Variants in WSCD1 observed in about 807,000 individuals in gnomAD.
WSCD1 encodes the protein sialate:O-sulfotransferase 1.
Under a neutral mutation model 60.4 loss-of-function variants are expected in WSCD1, and 41 were observed. The ratio of observed to expected loss-of-function variants is 0.68; its 90% confidence interval spans 0.53 to 0.88. The LOEUF (loss-of-function observed/expected upper bound fraction) is 0.88, where lower values mean the gene tolerates loss of function less well. Ranked by LOEUF, WSCD1 falls within the 40% of genes least tolerant of loss-of-function variation. WSCD1 has a pLI of 0.00. For missense variants in WSCD1, 784 were observed against 796.2 expected, an observed-to-expected ratio of 0.98 and a Z score of 0.18; for synonymous variants, 361 against 332.5, an observed-to-expected ratio of 1.09 and a Z score of -0.93.
Position 6,095,225 on chromosome 17 carries a change from T to C in WSCD1, c.849+2T>C. 1 of 1,612,496 alleles carries C rather than the reference T, an allele frequency of 6.2e-7. No individual in the cohort carries two copies. The highest frequency in any genetic ancestry group is 8.5e-7 in the Non-Finnish European group (1 of 1,179,318). On this transcript the variant is annotated splice_donor_variant, in intron 5 of 8. Transcript: ENST00000317744. LOFTEE classifies it high-confidence loss of function. ...TGCTCGGGCTTTTGTTCCCAGAAAG[T>C]AAGACCAAGTGATCATTTCACAACC...
chr17:6,081,816 C>G (rs974583480), intron 2 of WSCD1: 3 of 152,110 alleles, frequency 2.0e-5, no homozygotes, highest in African/African-American at 7.2e-5. Flanking sequence ...TGTGATAACA[C>G]AGAGGAATGG....
intron 2 of WSCD1, 46 bp from the exon 3 acceptor site, chr17:6,087,944 C>T: frequency 6.6e-7 from 1 of 1,509,950 alleles, no homozygotes; most frequent in Non-Finnish European, 9.2e-7. Context: ...AGGGTGGGCC[C>T]ATGATTCCTG....
intron 4 of WSCD1, among the ~76,000 whole-genome samples, chr17:6,091,952 C>T (rs569647419): frequency 4.4e-4 from 67 of 152,218 alleles, no homozygotes; most frequent in Middle Eastern, 6.8e-3. Context: ...GTCAGGAGTT[C>T]GAGACCAGCC....
upstream of WSCD1, chr17:6,069,329 A>T: frequency 2.5e-6 from 1 of 397,738 alleles, no homozygotes; most frequent in Middle Eastern, 6.3e-4. Flanking sequence ...TCCAGCCTTT[A>T]TTTAAAGAGG....
chr17:6,086,885 G>A (rs964183369), intron 2 of WSCD1, among the ~76,000 whole-genome samples: 4 of 152,172 alleles, frequency 2.6e-5, no homozygotes, highest in Non-Finnish European at 4.4e-5. Context: ...CTAAAAAGCC[G>A]CTTGGGAGCC....
Position 6,111,027 on chromosome 17 carries a change from G to A in WSCD1, c.1174+92G>A, listed in dbSNP as rs1911378532. 8.2e-6 allele frequency: 12 copies of A among 1,468,792 alleles called. No individual in the cohort carries two copies. In the South Asian group the frequency reaches 1.1e-4, roughly 14 times the overall value. 91.0% of individuals were successfully genotyped at this position (1,468,792 alleles called of 1,614,324 possible). ...AAGCTTCTCAGAGCACTAGAGCAGT[G>A]CATCTCAAACTTGAGTGTACATAAG... On this transcript the variant is annotated intron_variant, in intron 7 of 8. Transcript: ENST00000317744.
intron 3 of WSCD1, among the ~76,000 whole-genome samples, chr17:6,088,778 T>C (rs1027904054): frequency 6.2e-5 from 8 of 128,412 alleles, no homozygotes; most frequent in African/African-American, 2.1e-4. Context: ...CCCACAGATT[T>C]TTTTCACCTT....
chr17:6,110,657 C>A lies in WSCD1; in HGVS notation c.1010-114C>A. On this transcript the variant is annotated intron_variant, in intron 6 of 8. Transcript: ENST00000317744. The surrounding 1 kb of genome is among the most constrained non-coding windows in gnomAD (Gnocchi z 4.8). ...CTCTTCCCTTCTTTGGGCCTTGGTT[C>A]CCCCATCTATTAAATGGGAGTCTTC... 3 of 1,363,498 alleles carry A rather than the reference C, an allele frequency of 2.2e-6. No individual in the cohort carries two copies. Among genetic ancestry groups the A allele is most frequent in the Non-Finnish European group, 3.0e-6 (3 of 996,468 alleles). 84.5% of individuals were successfully genotyped at this position (1,363,498 alleles called of 1,614,324 possible). A position where few individuals can be genotyped will look rare whatever the true frequency, so the allele number is the denominator to read the frequency against.
intron 1 of WSCD1, among the ~76,000 whole-genome samples, chr17:6,074,923 C>T (rs865848438): frequency 1.3e-5 from 2 of 151,378 alleles, no homozygotes; most frequent in Admixed American, 1.3e-4. Context: ...AGAAGCCAGG[C>T]GCTATGCCTG....
chr17:6,099,520 CAA>C (rs60352442), intron 5 of WSCD1, among the ~76,000 whole-genome samples: 2 of 143,690 alleles, frequency 1.4e-5, no homozygotes, highest in Non-Finnish European at 3.1e-5. Context: ...GTCTCAAAAA[CAA>C]AAAAAAAAAG....
At position 6,090,359 on chromosome 17, in the gene WSCD1, G is replaced by A; in HGVS notation, c.581G>A (p.Cys194Tyr). 1 of 1,608,978 alleles carries A rather than the reference G, an allele frequency of 6.2e-7. No homozygotes were observed. The highest frequency in any genetic ancestry group is 8.5e-7 in the Non-Finnish European group (1 of 1,177,900). ...GCCGGCTTGGAGGCCGGGGCGGAGTGTTACTGCGGGAACCGGCTGCCAGCG... is the reference window on the plus strand; with the variant it reads ...GCCGGCTTGGAGGCCGGGGCGGAGTATTACTGCGGGAACCGGCTGCCAGCG... ...VYAGLEAGAE[C>Y]YCGNRLPAVS... The change falls in exon 4 of 9, where the codon TGT (cysteine) becomes TAT (tyrosine). Residue 194 changes from cysteine to tyrosine, a missense_variant. By Grantham distance (194) the Cys-to-Tyr change is radical. Transcript: ENST00000317744.
chr17:6,076,744 C>T (rs986080186), intron 1 of WSCD1, among the ~76,000 whole-genome samples: 5 of 152,180 alleles, frequency 3.3e-5, no homozygotes, highest in Non-Finnish European at 5.9e-5. Context: ...GCCTCCCAGG[C>T]CCTATGCAGA....
rs1235556389 is a variant in WSCD1 at position 6,090,352 on chromosome 17, G to A, written c.574G>A (p.Ala192Thr). The change falls in exon 4 of 9, where the codon GCG becomes ACG. Residue 192 changes from alanine to threonine, a missense_variant. Ala to Thr is a moderately conservative substitution (Grantham distance 58). Coordinates refer to ENST00000317744, the MANE Select transcript of WSCD1 (RefSeq NM_015253.2). ...TGTCTACGCCGGCTTGGAGGCCGGG[G>A]CGGAGTGTTACTGCGGGAACCGGCT... ...SYVYAGLEAG[A>T]ECYCGNRLPA... The A allele has an allele frequency of 1.2e-6, 2 of 1,607,520 alleles. No homozygotes were observed. The highest frequency in any genetic ancestry group is 1.7e-5 in the Admixed American group (1 of 58,994).
chr17:6,070,804 C>T (rs2150522379), intron 1 of WSCD1, among the ~76,000 whole-genome samples, 152 bp downstream of exon 1: 1 of 151,242 alleles, frequency 6.6e-6, no homozygotes, highest in African/African-American at 2.4e-5. Flanking sequence ...TTGCCGGGGG[C>T]ACCTTCCCGG....
chr17:6,103,385 A>T, intron 5 of WSCD1, among the ~76,000 whole-genome samples: 1 of 152,202 alleles, frequency 6.6e-6, no homozygotes, highest in East Asian at 1.9e-4. Flanking sequence ...GTCAGTGGAA[A>T]GCCAGGTACC....
At chr17:6,073,690 CTG>C (rs1491078582) in intron 1 of WSCD1, among the ~76,000 whole-genome samples, 1 of 152,188 alleles carries the variant, frequency 6.6e-6, no homozygotes, top group African/African-American at 2.4e-5. Context: ...TTGCGACTGG[CTG>C]TTTCAAAAGT....
At position 6,073,710 on chromosome 17, in the gene WSCD1, G is replaced by C. The variant is rs1036419022; in HGVS notation, c.-289+3058G>C. ...ACTGGCTGTTTCAAAAGTGAGAAAG[G>C]CTCCAAATCAGGCACCAGGAAAGGA... On this transcript the variant is annotated intron_variant, in intron 1 of 8. Transcript: ENST00000317744. Among the ~76,000 whole-genome samples the C allele has an allele frequency of 4.6e-5, 7 of 152,376 alleles. No individual in the cohort carries two copies. In the South Asian group the frequency reaches 8.3e-4, roughly 18 times the overall value.
At position 6,093,656 on chromosome 17, in the gene WSCD1, G is replaced by A. The variant is rs115688204; in HGVS notation, c.728-1446G>A. On this transcript the variant is annotated intron_variant, in intron 4 of 8. Transcript: ENST00000317744. ...GAGCCCAGCACCTGCCACCACCCTC[G>A]ACCTTGACACCAAAAGCCAGGGCAG... Among the ~76,000 whole-genome samples the A allele has an allele frequency of 5.6e-3, 854 of 152,276 alleles. 13 individuals carry two copies. Among genetic ancestry groups the A allele is most frequent in the African/African-American group, 0.019 (805 of 41,560 alleles).
At chr17:6,085,375 G>A (rs1453075501) in intron 2 of WSCD1, among the ~76,000 whole-genome samples, 1 of 152,186 alleles carries the variant, frequency 6.6e-6, no homozygotes, top group Non-Finnish European at 1.5e-5. Context: ...AACAATCGCT[G>A]CTGAGTAATT....
Sources: gnomAD v4.1 joint callset for allele counts (sites outside exome capture counted in the v4.1 genomes callset) on GRCh38, gnomAD v4.1.1 for gene constraint, Gnocchi (gnomAD v3.1) non-coding constraint, MANE v1.5 for transcripts, NCBI Gene and HGNC (gene_info 2026-07-23, HGNC 2026-07-21) for gene names.